Variants in DNAH7 observed in about 807,000 individuals in gnomAD.
DNAH7 encodes the protein dynein axonemal heavy chain 7, also known as axonemal beta dynein heavy chain 7.
DNAH7 carries 397 observed loss-of-function variants against 444.6 expected under a neutral mutation model. The observed-to-expected ratio is 0.89, with a 90% CI of 0.82 to 0.97. The LOEUF is 0.97. Among genes scored for constraint, DNAH7 ranks in the 50% least tolerant of loss-of-function variants. The pLI is 0.00. For synonymous variants in DNAH7, 1,636 were observed against 1,624.4 expected, an observed-to-expected ratio of 1.01 and a Z score of -0.17; for missense variants, 4,902 against 4,800.8, an observed-to-expected ratio of 1.02 and a Z score of -0.62.
At chr2:195,927,711 T>C (rs986469637) in intron 21 of DNAH7, among the ~76,000 whole-genome samples, 5 of 151,508 alleles carry the variant, frequency 3.3e-5, no homozygotes, top group African/African-American at 9.7e-5. Context: ...CAATATTATA[T>C]GTAAAGTCTA....
intron 61 of DNAH7, among the ~76,000 whole-genome samples, chr2:195,760,571 C>CAG (rs140188415): frequency 1.8e-4 from 27 of 151,402 alleles, no homozygotes; most frequent in South Asian, 6.2e-4. Context: ...AGCAGCTCAG[C>CAG]AGAGAGAGAG....
At chr2:195,950,420 T>C (rs1690140913) in intron 19 of DNAH7, among the ~76,000 whole-genome samples, 2 of 152,330 alleles carry the variant, frequency 1.3e-5, no homozygotes, top group South Asian at 2.1e-4. Context: ...ATCTCTGTGA[T>C]GGTAGTTTGT....
chr2:195,791,584 T>C (rs147421858), intron 57 of DNAH7, among the ~76,000 whole-genome samples: 22 of 152,290 alleles, frequency 1.4e-4, no homozygotes, highest in Non-Finnish European at 2.4e-4. Flanking sequence ...TAAAACATTC[T>C]ACTCAAAAGA....
Position 195,864,714 on chromosome 2 carries a change from A to T in DNAH7, c.6941T>A (p.Val2314Asp), listed in dbSNP as rs771951243. The T allele has an allele frequency of 1.9e-6, 3 of 1,614,064 alleles. No homozygotes were observed. The highest frequency in any genetic ancestry group is 2.5e-6 in the Non-Finnish European group (3 of 1,180,050). ...NNISKKPMNL[V>D]LFRFAIEHIS... The stretch of plus-strand genomic sequence containing the variant: ...GTGCTCTATGGCAAATCGAAACAAG[A>T]CAAGGTTCATGGGTTTTTTGCTTAT... The change falls in exon 41 of 65, where the codon GTC (valine) becomes GAC (aspartate). Residue 2314 changes from valine to aspartate, a missense_variant. By Grantham distance (152) the Val-to-Asp change is radical. Coordinates refer to ENST00000312428, the MANE Select transcript of DNAH7 (RefSeq NM_018897.3).
At position 195,972,530 on chromosome 2, in the gene DNAH7, C is replaced by T. The variant is rs867318971; in HGVS notation, c.1834-64G>A. On this transcript the variant is annotated intron_variant, in intron 15 of 64. Transcript: ENST00000312428. Reference sequence around the variant, plus strand: ...ACAGCTCATGTCACGAAACAGCCTGCGGAAATACACTGTATAACTATGCAC... The same window carrying T: ...ACAGCTCATGTCACGAAACAGCCTGTGGAAATACACTGTATAACTATGCAC... The T allele has an allele frequency of 3.6e-5, 43 of 1,196,910 alleles. No homozygotes were observed. In the Middle Eastern group the frequency reaches 1.1e-3, roughly 32 times the overall value. 74.1% of individuals were successfully genotyped at this position (1,196,910 alleles called of 1,614,324 possible). A position where few individuals can be genotyped will look rare whatever the true frequency, so the allele number is the denominator to read the frequency against.
At chr2:195,834,139 C>G in intron 48 of DNAH7, 67 bp downstream of exon 48, 2 of 1,474,890 alleles carry the variant, frequency 1.4e-6, no homozygotes. Flanking sequence ...ACAATCTATA[C>G]AGTTTTGGGT....
intron 2 of DNAH7, among the ~76,000 whole-genome samples, chr2:196,053,894 G>A (rs1198993261): frequency 6.6e-6 from 1 of 152,198 alleles, no homozygotes; most frequent in Non-Finnish European, 1.5e-5. Context: ...GGGACAGGGA[G>A]TTAAGAGCTG....
At chr2:196,000,422 G>A (rs558113672) in intron 12 of DNAH7, among the ~76,000 whole-genome samples, 7 of 152,266 alleles carry the variant, frequency 4.6e-5, no homozygotes, top group African/African-American at 1.7e-4. Flanking sequence ...GAAATGGTAG[G>A]AGAGCTACAG....
intron 49 of DNAH7, among the ~76,000 whole-genome samples, chr2:195,822,300 C>T (rs550616688): frequency 6.6e-6 from 1 of 152,316 alleles, no homozygotes; most frequent in South Asian, 2.1e-4. Context: ...ACTTTTACTT[C>T]ACTGTGTTCA....
chr2:195,769,768 C>T (rs1452728350), intron 61 of DNAH7, among the ~76,000 whole-genome samples: 7 of 152,096 alleles, frequency 4.6e-5, no homozygotes, highest in Non-Finnish European at 8.8e-5. Context: ...TTTGCATAGA[C>T]CTGCTTGCCA....
chr2:196,020,612 G>GTTTT (rs201513142), intron 8 of DNAH7, among the ~76,000 whole-genome samples: 1 of 133,672 alleles, frequency 7.5e-6, no homozygotes, highest in African/African-American at 2.7e-5. Flanking sequence ...TGGGGCTTTT[G>GTTTT]TTTTTTTTTT....
chr2:195,799,546 G>A, intron 54 of DNAH7, 74 bp from the exon 55 acceptor site: 1 of 1,360,916 alleles, frequency 7.3e-7, no homozygotes, highest in Non-Finnish European at 9.7e-7. Flanking sequence ...TAGATTCAAA[G>A]GAGTTTTAAA....
chr2:195,809,598 T>C, intron 52 of DNAH7, 147 bp downstream of exon 52: 1 of 644,608 alleles, frequency 1.6e-6, no homozygotes, highest in South Asian at 7.1e-5. Flanking sequence ...TTTATCCTCC[T>C]GATAACATCT....
intron 57 of DNAH7, among the ~76,000 whole-genome samples, chr2:195,787,766 CCCCTGCAGCTGGG>C (rs1695693809): frequency 6.6e-6 from 1 of 152,040 alleles, no homozygotes; most frequent in African/African-American, 2.4e-5. Flanking sequence ...TGACACATGT[CCCCTGCAGCTGGG>C]GCAGGGTGGA....
chr2:195,853,394 A>G lies in DNAH7; in HGVS notation c.8730T>C (p.Ile2910=), dbSNP rs1420075586. Reference sequence around the variant, plus strand: ...CGAGGTAAGCAACCACTCCGGAGGAAATGAGGATATCCCCAGTCAAGTTGA... The same window carrying G: ...CGAGGTAAGCAACCACTCCGGAGGAGATGAGGATATCCCCAGTCAAGTTGA... ...LYINLTGDIL[I]SSGVVAYLGA... The change falls in exon 46 of 65, where the codon ATT becomes ATC. Residue 2910 remains isoleucine (I), a synonymous_variant. Transcript: ENST00000312428. 3.1e-6 allele frequency: 5 copies of G among 1,614,056 alleles called. No individual in the cohort carries two copies. In the African/African-American group the frequency reaches 6.7e-5, roughly 22 times the overall value.
intron 49 of DNAH7, among the ~76,000 whole-genome samples, chr2:195,819,525 C>T (rs1200158458): frequency 6.6e-6 from 1 of 152,086 alleles, no homozygotes; most frequent in Admixed American, 6.6e-5. Flanking sequence ...AAAATAATAG[C>T]TACCATGAAT....
intron 19 of DNAH7, among the ~76,000 whole-genome samples, chr2:195,952,316 G>C (rs1414169807): frequency 2.0e-5 from 3 of 152,114 alleles, no homozygotes; most frequent in Non-Finnish European, 1.5e-5. Context: ...AGTTCAATGG[G>C]CTTCCCTTTG....
intron 57 of DNAH7, among the ~76,000 whole-genome samples, chr2:195,789,315 A>G (rs1042921250): frequency 2.0e-5 from 3 of 152,202 alleles, no homozygotes; most frequent in Non-Finnish European, 4.4e-5. Flanking sequence ...GGAAAAAAAA[A>G]GCATAGGAAT....
At chr2:195,787,897 C>T (rs1446906241) in intron 57 of DNAH7, among the ~76,000 whole-genome samples, 1 of 152,022 alleles carries the variant, frequency 6.6e-6, no homozygotes, top group African/African-American at 2.4e-5. Flanking sequence ...AGAATGGGAG[C>T]TGGGGGTCAT....
Sources: allele counts gnomAD v4.1 joint callset (sites outside exome capture counted in the v4.1 genomes callset), GRCh38; gene constraint gnomAD v4.1.1; transcripts MANE v1.5; gene names NCBI Gene and HGNC (gene_info 2026-07-23, HGNC 2026-07-21).